RALGAPA2: variants seen among roughly 807,000 people sequenced by gnomAD.
RALGAPA2 encodes Ral GTPase activating protein catalytic subunit alpha 2.
A neutral mutation model predicts 230.4 loss-of-function variants in RALGAPA2; 139 were observed. The ratio of observed to expected loss-of-function variants is 0.60; its 90% CI spans 0.53 to 0.69. The LOEUF (loss-of-function observed/expected upper bound fraction) is 0.69, where lower values mean the gene tolerates loss of function less well. Ranked by LOEUF, RALGAPA2 falls within the 30% of genes least tolerant of loss-of-function variation. The pLI is 0.00. For missense variants in RALGAPA2, 2,163 were observed against 2,276.0 expected (o/e 0.95, Z 1.01); for synonymous variants, 847 against 837.8 (o/e 1.01, Z -0.19).
chr20:20,591,284 G>A lies in RALGAPA2; in HGVS notation c.2234C>T (p.Ala745Val), dbSNP rs1228735518. Residue 745 changes from alanine to valine, a missense_variant, in exon 17 of 40, where the codon GCA becomes GTA. Coordinates refer to ENST00000202677, the MANE Select transcript of RALGAPA2 (RefSeq NM_020343.4). ...GAGATGGCCAGATCCGGCTGCAGGT[G>A]CATTTTCTGACTGTTGACACTCCTC... Reference protein sequence around the residue: ...EVEECQQSENAPAAGSGHLTV... With the variant: ...EVEECQQSENVPAAGSGHLTV... 6 of 1,613,798 alleles carry A rather than the reference G, an allele frequency of 3.7e-6. No homozygotes were observed. The highest frequency in any genetic ancestry group is 2.2e-5 in the East Asian group (1 of 44,862).
intron 37 of RALGAPA2, among the ~76,000 whole-genome samples, chr20:20,444,670 G>A (rs899084872): frequency 3.3e-5 from 5 of 152,166 alleles, no homozygotes; most frequent in African/African-American, 9.7e-5. Flanking sequence ...GTGGTTGATT[G>A]AGCCAATTTA....
chr20:20,417,057 C>T (rs1196795724), intron 37 of RALGAPA2, among the ~76,000 whole-genome samples: 1 of 152,232 alleles, frequency 6.6e-6, no homozygotes, highest in Non-Finnish European at 1.5e-5. Context: ...TGGCAGTGAT[C>T]TGCAGAGGAG....
In RALGAPA2 at chr20:20,712,603, T is replaced by TGCCGCCGCTGCCGCCGCC. The variant is rs1555833909; in HGVS notation, c.-124_-123insGGCGGCGGCAGCGGCGGC. The stretch of plus-strand genomic sequence containing the variant: ...CACTCGCCGCCCCCAGCCCCGCTGC[T>TGCCGCCGCTGCCGCCGCC]GCCGCCGCCGCCGCCGCCGCCGCCG... On this transcript the variant is annotated 5_prime_UTR_variant, in exon 1 of 40. Coordinates refer to ENST00000202677, the MANE Select transcript of RALGAPA2 (RefSeq NM_020343.4). The surrounding 1 kb of genome is among the most constrained non-coding windows in gnomAD (Gnocchi z 5.5). 11 of 1,179,264 alleles carry TGCCGCCGCTGCCGCCGCC rather than the reference T, an allele frequency of 9.3e-6. No individual in the cohort carries two copies. In the African/African-American group the frequency reaches 1.6e-4, roughly 17 times the overall value. 73.1% of individuals were successfully genotyped at this position (1,179,264 alleles called of 1,614,324 possible).
chr20:20,674,738 G>T (rs888270997), intron 3 of RALGAPA2, among the ~76,000 whole-genome samples: 2 of 152,212 alleles, frequency 1.3e-5, no homozygotes, highest in Non-Finnish European at 2.9e-5. Flanking sequence ...CATGTCGAAG[G>T]TGATTATGTA....
chr20:20,495,382 CT>C (rs1233214152), intron 35 of RALGAPA2, 107 bp from the exon 36 acceptor site: 1 of 989,186 alleles, frequency 1.0e-6, no homozygotes, highest in Non-Finnish European at 1.4e-6. Context: ...AAAAATTTCA[CT>C]ACCAAAAAAG....
At chr20:20,653,384 T>A in intron 4 of RALGAPA2, 146 bp downstream of exon 4, 1 of 550,422 alleles carries the variant, frequency 1.8e-6, no homozygotes. Flanking sequence ...AGGGTTGAAC[T>A]TGTCTTGGTT....
In RALGAPA2 at chr20:20,633,009, T is replaced by TTC. The variant is rs376406756; in HGVS notation, c.1005+2407_1005+2408dup. Among the ~76,000 whole-genome samples the TTC allele has an allele frequency of 2.1e-3, 324 of 151,160 alleles. 2 individuals carry two copies. Among genetic ancestry groups the TTC allele is most frequent in the African/African-American group, 5.7e-3 (234 of 41,310 alleles). On this transcript the variant is annotated intron_variant, in intron 9 of 39. Coordinates refer to ENST00000202677, the MANE Select transcript of RALGAPA2 (RefSeq NM_020343.4). ...CATTTCTTCCACGGCTACTGGGTCTTTCTCTCTCTCTCTCTCTTTCTTTCT... is the reference window on the plus strand; with the variant it reads ...CATTTCTTCCACGGCTACTGGGTCTTTCTCTCTCTCTCTCTCTCTTTCTTTCT...
At chr20:20,520,597 G>GA (rs1204968572) in intron 31 of RALGAPA2, among the ~76,000 whole-genome samples, 1 of 152,158 alleles carries the variant, frequency 6.6e-6, no homozygotes, top group Non-Finnish European at 1.5e-5. Context: ...AGTCCACAGT[G>GA]AGTCCTTCTG....
intron 30 of RALGAPA2, among the ~76,000 whole-genome samples, chr20:20,521,406 CT>C: frequency 6.6e-6 from 1 of 152,192 alleles, no homozygotes; most frequent in South Asian, 2.1e-4. Context: ...GTAGAAGGAA[CT>C]AATCTGGGGA....
chr20:20,632,428 T>A (rs6075685), intron 9 of RALGAPA2, among the ~76,000 whole-genome samples: 6,980 of 152,118 alleles, frequency 0.046, 253 homozygotes, highest in East Asian at 0.16. Flanking sequence ...AAAGAAAAAA[T>A]CAGAAGCTGG....
At chr20:20,630,387 A>T (rs888388832) in intron 9 of RALGAPA2, among the ~76,000 whole-genome samples, 1 of 152,228 alleles carries the variant, frequency 6.6e-6, no homozygotes, top group East Asian at 1.9e-4. Context: ...TATTTTTTAC[A>T]AGAAGAGACA....
At chr20:20,643,345 G>GTAA (rs1401488029) in intron 5 of RALGAPA2, among the ~76,000 whole-genome samples, 161 bp downstream of exon 5, 1 of 152,140 alleles carries the variant, frequency 6.6e-6, no homozygotes. Flanking sequence ...AAGTTATGAT[G>GTAA]TAAGAACAAA....
chr20:20,420,294 C>T (rs961418763), intron 37 of RALGAPA2, among the ~76,000 whole-genome samples: 8 of 152,122 alleles, frequency 5.3e-5, no homozygotes, highest in African/African-American at 1.9e-4. Flanking sequence ...ACTTAAGTTG[C>T]TATATTGCCC....
At chr20:20,492,725 G>GT (rs1323587045) in intron 36 of RALGAPA2, among the ~76,000 whole-genome samples, 2 of 152,108 alleles carry the variant, frequency 1.3e-5, no homozygotes, top group African/African-American at 2.4e-5. Flanking sequence ...CTCATTGTCC[G>GT]TAATATCCTC....
At chr20:20,670,567 C>T (rs757349014) in intron 3 of RALGAPA2, among the ~76,000 whole-genome samples, 1 of 151,834 alleles carries the variant, frequency 6.6e-6, no homozygotes, top group Non-Finnish European at 1.5e-5. Flanking sequence ...ATCATCCCCA[C>T]ATCTCCATTT....
intron 31 of RALGAPA2, 78 bp from the exon 32 acceptor site, chr20:20,513,362 G>C: frequency 8.4e-7 from 1 of 1,195,310 alleles, no homozygotes; most frequent in Non-Finnish European, 1.1e-6. Flanking sequence ...TTTGGGTGGG[G>C]GGCAGGGGGC....
chr20:20,712,355 G>A lies in RALGAPA2; in HGVS notation c.106+20C>T, dbSNP rs1350502656. On this transcript the variant is annotated intron_variant, in intron 1 of 39. Coordinates refer to ENST00000202677, the MANE Select transcript of RALGAPA2 (RefSeq NM_020343.4). The surrounding 1 kb of genome is among the most constrained non-coding windows in gnomAD (Gnocchi z 5.5). ...CCCCTAACCCGGCGCCCCGACCCCC[G>A]CGCCCGGCGCGCGCCTCACCCAGCA... 3.6e-6 allele frequency: 5 copies of A among 1,399,972 alleles called. No homozygotes were observed. The highest frequency in any genetic ancestry group is 4.7e-6 in the Non-Finnish European group (5 of 1,053,084). The allele number at this position is 1,399,972 out of a possible 1,614,324, so 86.7% of individuals were successfully genotyped here.
chr20:20,669,859 T>C (rs957202007), intron 3 of RALGAPA2, among the ~76,000 whole-genome samples: 1 of 152,218 alleles, frequency 6.6e-6, no homozygotes, highest in Non-Finnish European at 1.5e-5. Flanking sequence ...ACCATTAAAA[T>C]AACCTGTCAA....
In RALGAPA2 at chr20:20,635,635, A is replaced by G; in HGVS notation, c.806-18T>C. The G allele has an allele frequency of 6.7e-7, 1 of 1,492,640 alleles. No homozygotes were observed. Among genetic ancestry groups the G allele is most frequent in the Non-Finnish European group, 9.0e-7 (1 of 1,109,224 alleles). The allele number at this position is 1,492,640 out of a possible 1,614,324, so 92.5% of individuals were successfully genotyped here. On this transcript the variant is annotated intron_variant, in intron 8 of 39. Transcript: ENST00000202677. ...GGGGATGTCTGGTAGAAGAAAGAAC[A>G]CATGATTGATTAGGTTAATAAATCA...
Sources: allele counts gnomAD v4.1 joint callset (sites outside exome capture counted in the v4.1 genomes callset), GRCh38; gene constraint gnomAD v4.1.1; non-coding constraint Gnocchi (gnomAD v3.1); transcripts MANE v1.5; gene names NCBI Gene and HGNC (gene_info 2026-07-23, HGNC 2026-07-21).